The following OXNAD1 variants were observed in gnomAD, a reference collection of about 807,000 sequenced individuals.
OXNAD1 encodes oxidoreductase NAD binding domain containing 1.
Under a neutral mutation model 32.9 loss-of-function variants are expected in OXNAD1, and 34 were observed. The observed-to-expected ratio is 1.03, with a 90% CI of 0.79 to 1.38. The LOEUF is 1.38. Among genes scored for constraint, OXNAD1 ranks in the 40% most tolerant of loss-of-function variants. The pLI, the probability that OXNAD1 is intolerant of heterozygous loss-of-function variation, is 0.00. For synonymous variants in OXNAD1, 134 were observed against 135.2 expected (o/e 0.99, Z 0.06); for missense variants, 407 against 379.4 (o/e 1.07, Z -0.60).
In OXNAD1 at chr3:16,317,314, C is replaced by T. The variant is rs1575212857; in HGVS notation, c.*30+13722C>T. On this transcript the variant is annotated intron_variant, in intron 9 of 9. Transcript: ENST00000435829. This position sits in a 1 kb window ranked among gnomAD's most constrained non-coding sequence, Gnocchi z 4.3. ...CCCAAAGCCTTGTTTGCATTCATAC[C>T]CACACCATGTCTGAGTGAGACATAC... The T allele has an allele frequency of 2.5e-5, 36 of 1,421,370 alleles. No homozygotes were observed. The highest frequency in any genetic ancestry group is 2.9e-5 in the Non-Finnish European group (30 of 1,033,454). The allele number at this position is 1,421,370 out of a possible 1,614,324, so 88.0% of individuals were successfully genotyped here. A position where few individuals can be genotyped will look rare whatever the true frequency, so the allele number is the denominator to read the frequency against.
chr3:16,265,783 C>T lies in OXNAD1; in HGVS notation c.-159+278C>T. ...TTAAACTGAGGTACAGAGAGTTGGG[C>T]ATCTTGACTAAAATCATACACCTGG... On this transcript the variant is annotated intron_variant, in intron 1 of 8. Transcript: ENST00000285083. The surrounding 1 kb of genome is among the most constrained non-coding windows in gnomAD (Gnocchi z 4.8). 1 of 774,506 alleles carries T rather than the reference C, an allele frequency of 1.3e-6. No individual in the cohort carries two copies. Among genetic ancestry groups the T allele is most frequent in the Non-Finnish European group, 1.6e-6 (1 of 637,632 alleles). The allele number at this position is 774,506 out of a possible 1,614,324, so 48.0% of individuals were successfully genotyped here.
At position 16,290,967 on chromosome 3, in the gene OXNAD1, T is replaced by C. The variant is rs540303717; in HGVS notation, c.291-3889T>C. On this transcript the variant is annotated intron_variant, in intron 5 of 8. Transcript: ENST00000285083. The surrounding 1 kb of genome is among the most constrained non-coding windows in gnomAD (Gnocchi z 4.2). ...ATTGGATGTTTATGTTTCCCAGATATGGGGATGAGAATTTTTTGTGGTTCT... is the reference window on the plus strand; with the variant it reads ...ATTGGATGTTTATGTTTCCCAGATACGGGGATGAGAATTTTTTGTGGTTCT... Among the ~76,000 whole-genome samples the C allele has an allele frequency of 4.6e-5, 7 of 152,314 alleles. No individual in the cohort carries two copies. Among genetic ancestry groups the C allele is most frequent in the African/African-American group, 9.6e-5 (4 of 41,566 alleles).
At chr3:16,311,451 T>TAAAG (rs963884061) in intron 9 of OXNAD1, among the ~76,000 whole-genome samples, 14 of 152,192 alleles carry the variant, frequency 9.2e-5, no homozygotes, top group African/African-American at 3.4e-4. Flanking sequence ...AAGAAAGGTA[T>TAAAG]AAAGACTTCA....
At chr3:16,295,649 A>G (rs978902531) in intron 6 of OXNAD1, among the ~76,000 whole-genome samples, 7 of 152,144 alleles carry the variant, frequency 4.6e-5, no homozygotes, top group East Asian at 1.9e-4. Flanking sequence ...TGACCCTTCT[A>G]TCCTTTTCAC....
rs147168564 is a variant in OXNAD1, at chr3:16,280,160, T to C, written c.184-6182T>C. ...GGATGTCTATAAGTGTTTGCTGCTG[T>C]TGTTGTTGTTACATGTTACATGAGG... On this transcript the variant is annotated intron_variant, in intron 4 of 8. Transcript: ENST00000285083. This position sits in a 1 kb window ranked among gnomAD's most constrained non-coding sequence, Gnocchi z 4.5. Among the ~76,000 whole-genome samples, 15 of 152,210 alleles carry C rather than the reference T, an allele frequency of 9.9e-5. No individual in the cohort carries two copies. The highest frequency in any genetic ancestry group is 3.9e-4 in the East Asian group (2 of 5,186).
chr3:16,295,098 G>A, intron 6 of OXNAD1, 101 bp downstream of exon 6: 1 of 1,356,150 alleles, frequency 7.4e-7, no homozygotes, highest in Admixed American at 2.5e-5. Flanking sequence ...CTGGGCTTGA[G>A]TAAAAGGGTA....
intron 4 of OXNAD1, among the ~76,000 whole-genome samples, chr3:16,273,072 T>G (rs1003719772): frequency 6.6e-6 from 1 of 152,166 alleles, no homozygotes; most frequent in Non-Finnish European, 1.5e-5. Context: ...ACACCCAGAT[T>G]TGGCCTGCAG....
chr3:16,315,939 C>T (rs2068342783), intron 9 of OXNAD1: 1 of 152,260 alleles, frequency 6.6e-6, no homozygotes. Flanking sequence ...TCAGCATTCC[C>T]TCTCCAAGGT....
chr3:16,324,646 T>TTGTGTGTGTGTGTGTGTGTGTGTGTG (rs71632869), intron 9 of OXNAD1, among the ~76,000 whole-genome samples: 3 of 100,432 alleles, frequency 3.0e-5, no homozygotes, highest in Non-Finnish European at 5.7e-5. Flanking sequence ...TAGTATTCCA[T>TTGTGTGTGTGTGTGTGTGTGTGTGTG]TGTGTGTGTG....
rs1488258459 is a variant in OXNAD1 at position 16,329,709 on chromosome 3, C to T, written c.*31-7403C>T. Among the ~76,000 whole-genome samples, 1 of 152,174 alleles carries T rather than the reference C, an allele frequency of 6.6e-6. No individual in the cohort carries two copies. Among genetic ancestry groups the T allele is most frequent in the Non-Finnish European group, 1.5e-5 (1 of 68,014 alleles). On this transcript the variant is annotated intron_variant, in intron 9 of 9. Coordinates refer to the OXNAD1 transcript ENST00000435829. This position sits in a 1 kb window ranked among gnomAD's most constrained non-coding sequence, Gnocchi z 4.5. Reference sequence around the variant, plus strand: ...GAGGAAAACCAATTTTAAATCCACACTCTCAAGCTTTGCGAGGTTATGATT... The same window carrying T: ...GAGGAAAACCAATTTTAAATCCACATTCTCAAGCTTTGCGAGGTTATGATT...
At chr3:16,267,005 G>A (rs2064567959) in intron 1 of OXNAD1, among the ~76,000 whole-genome samples, 1 of 152,198 alleles carries the variant, frequency 6.6e-6, no homozygotes, top group Non-Finnish European at 1.5e-5. Context: ...AGCAAGAGGA[G>A]CCCTTTTTCT....
Position 16,271,695 on chromosome 3 carries a change from G to C in OXNAD1, c.156G>C (p.Glu52Asp), listed in dbSNP as rs2064954725. Residue 52 changes from glutamate (E) to aspartate (D), a missense_variant, in exon 4 of 9, where the codon GAG becomes GAC. By Grantham distance (45) the Glu-to-Asp change is conservative. Transcript: ENST00000285083. This position sits in a 1 kb window ranked among gnomAD's most constrained non-coding sequence, Gnocchi z 4.6. Reference sequence around the variant, plus strand: ...CCAAAAGGAAAACTGATCACATGGAGAGAACTGCAAGTGTCCTTCGACGGG... The same window carrying C: ...CCAAAAGGAAAACTGATCACATGGACAGAACTGCAAGTGTCCTTCGACGGG... ...MKSKRKTDHM[E>D]RTASVLRREI... is the part of the protein sequence containing the mutation. 1 of 1,607,388 alleles carries C rather than the reference G, an allele frequency of 6.2e-7. No individual in the cohort carries two copies. The highest frequency in any genetic ancestry group is 1.7e-5 in the Admixed American group (1 of 57,990).
chr3:16,323,583 G>C (rs1247715029), intron 9 of OXNAD1: 4 of 640,290 alleles, frequency 6.2e-6, no homozygotes, highest in African/African-American at 5.6e-5. Flanking sequence ...GGTTAGAAGA[G>C]ACGCCTGCTC....
In OXNAD1 at chr3:16,314,348, C is replaced by G. The variant is rs1467793999; in HGVS notation, c.*30+10756C>G. 6.6e-6 allele frequency: 1 copy of G among 152,056 alleles called. No individual in the cohort carries two copies. Among genetic ancestry groups the G allele is most frequent in the Non-Finnish European group, 1.5e-5 (1 of 68,004 alleles). The allele number at this position is 152,056 out of a possible 1,614,324, so 9.4% of individuals were successfully genotyped here. A position where few individuals can be genotyped will look rare whatever the true frequency, so the allele number is the denominator to read the frequency against. Reference sequence around the variant, plus strand: ...GGATTTTAGGGCCTTTATTATTTACCACTTGTAGAAAGCATTTTATTTCAC... The same window carrying G: ...GGATTTTAGGGCCTTTATTATTTACGACTTGTAGAAAGCATTTTATTTCAC... On this transcript the variant is annotated intron_variant, in intron 9 of 9. Transcript: ENST00000435829. This position sits in a 1 kb window ranked among gnomAD's most constrained non-coding sequence, Gnocchi z 4.4.
intron 5 of OXNAD1, among the ~76,000 whole-genome samples, chr3:16,291,350 A>G (rs2066415053): frequency 6.6e-6 from 1 of 152,244 alleles, no homozygotes; most frequent in South Asian, 2.1e-4. Context: ...TTGTGCAGCT[A>G]TCAGCACAAT....
chr3:16,340,241 A>G (rs2071225966), downstream of OXNAD1, among the ~76,000 whole-genome samples: 1 of 152,242 alleles, frequency 6.6e-6, no homozygotes, highest in Non-Finnish European at 1.5e-5. Flanking sequence ...GGCCAATAGT[A>G]CATTAACAAA....
chr3:16,333,288 C>T (rs958289583), intron 9 of OXNAD1, among the ~76,000 whole-genome samples: 20 of 152,216 alleles, frequency 1.3e-4, no homozygotes, highest in African/African-American at 4.6e-4. Context: ...AAACCAGGCA[C>T]AATATTACCT....
At chr3:16,349,207 A>G (rs2071929183) in exon 10 of OXNAD1, 1 of 152,268 alleles carries the variant, frequency 6.6e-6, no homozygotes, top group Non-Finnish European at 1.5e-5. Context: ...CTCCAGAGAC[A>G]AGAAGAAAAA....
rs575574145 is a variant in OXNAD1 at position 16,305,893 on chromosome 3, T to C, written c.*2331T>C. 33 of 152,040 alleles carry C rather than the reference T, an allele frequency of 2.2e-4. No homozygotes were observed. Among genetic ancestry groups the C allele is most frequent in the African/African-American group, 8.0e-4 (33 of 41,414 alleles). 9.4% of individuals were successfully genotyped at this position (152,040 alleles called of 1,614,324 possible). Reference sequence around the variant, plus strand: ...GCACTGCATGAGTGTGTTGTCGTTATTAATTTGCTATTCCTTGTCCTATTC... The same window carrying C: ...GCACTGCATGAGTGTGTTGTCGTTACTAATTTGCTATTCCTTGTCCTATTC... On this transcript the variant is annotated 3_prime_UTR_variant, in exon 9 of 9. Transcript: ENST00000285083. The surrounding 1 kb of genome is among the most constrained non-coding windows in gnomAD (Gnocchi z 4.5).
Sources: allele counts gnomAD v4.1 joint callset (sites outside exome capture counted in the v4.1 genomes callset), GRCh38; gene constraint gnomAD v4.1.1; non-coding constraint Gnocchi (gnomAD v3.1); transcripts MANE v1.5; gene names NCBI Gene and HGNC (gene_info 2026-07-23, HGNC 2026-07-21).